DNAJC15: variants seen among roughly 807,000 people sequenced by gnomAD.
The protein encoded by DNAJC15 is dnaJ homolog subfamily C member 15.
A neutral mutation model predicts 22.4 loss-of-function variants in DNAJC15; 27 were observed. The observed-to-expected ratio is 1.20, with a 90% CI of 0.89 to 1.66. DNAJC15 has a LOEUF of 1.66. DNAJC15 is among the 40% of genes most tolerant of loss of function. DNAJC15 has a pLI of 0.00. For missense variants in DNAJC15, 208 were observed against 187.1 expected (o/e 1.11, Z -0.65); for synonymous variants, 79 against 63.2 (o/e 1.25, Z -1.19).
At chr13:43,078,395 A>G (rs1174860745) in intron 3 of DNAJC15, among the ~76,000 whole-genome samples, 1 of 152,170 alleles carries the variant, frequency 6.6e-6, no homozygotes, top group African/African-American at 2.4e-5. Context: ...AGAAAAATTA[A>G]TCTGTTTTAA....
chr13:43,094,789 C>G (rs1202513459), intron 5 of DNAJC15, among the ~76,000 whole-genome samples: 2 of 152,094 alleles, frequency 1.3e-5, no homozygotes, highest in African/African-American at 4.8e-5. Flanking sequence ...CTGCAAGAAG[C>G]CTTGCCTGCC....
At chr13:43,071,760 C>CG (rs529194406) in intron 3 of DNAJC15, among the ~76,000 whole-genome samples, 9 of 152,148 alleles carry the variant, frequency 5.9e-5, no homozygotes, top group East Asian at 1.9e-4. Flanking sequence ...CAAGTTTCAA[C>CG]GGGGGGTCTC....
At chr13:43,051,837 T>C (rs2040505867) in intron 1 of DNAJC15, among the ~76,000 whole-genome samples, 1 of 152,214 alleles carries the variant, frequency 6.6e-6, no homozygotes, top group African/African-American at 2.4e-5. Flanking sequence ...AAACAGCAGT[T>C]CTACTTTTAG....
At chr13:43,081,897 C>G (rs887788580) in intron 4 of DNAJC15, among the ~76,000 whole-genome samples, 1 of 151,996 alleles carries the variant, frequency 6.6e-6, no homozygotes, top group Non-Finnish European at 1.5e-5. Flanking sequence ...GGGGAGGCCT[C>G]AATAATGGCA....
At chr13:43,103,965 A>G (rs2040783398) in intron 5 of DNAJC15, among the ~76,000 whole-genome samples, 1 of 152,146 alleles carries the variant, frequency 6.6e-6, no homozygotes, top group East Asian at 1.9e-4. Context: ...GTTATTTTTG[A>G]TAGTGTATAT....
chr13:43,038,047 C>T (rs1293678609), intron 1 of DNAJC15, among the ~76,000 whole-genome samples: 2 of 152,136 alleles, frequency 1.3e-5, no homozygotes, highest in Non-Finnish European at 2.9e-5. Flanking sequence ...ATGATTCCCC[C>T]ATTGTTGGGT....
At chr13:43,024,337 G>GTTTTTTTTTTTTTTTTTTTT in intron 1 of DNAJC15, among the ~76,000 whole-genome samples, 1 of 93,400 alleles carries the variant, frequency 1.1e-5, no homozygotes, top group Non-Finnish European at 1.9e-5. Flanking sequence ...GTATTTTTAC[G>GTTTTTTTTTTTTTTTTTTTT]TTTTTTTTTT....
At position 43,109,872 on chromosome 13, in the gene DNAJC15, T is replaced by TA. The variant is rs2040816504; in HGVS notation, c.*2630dup. 2 of 152,098 alleles carry TA rather than the reference T, an allele frequency of 1.3e-5. No individual in the cohort carries two copies. Among genetic ancestry groups the TA allele is most frequent in the African/African-American group, 4.8e-5 (2 of 41,404 alleles). 9.4% of individuals were successfully genotyped at this position (152,098 alleles called of 1,614,324 possible). A position where few individuals can be genotyped will look rare whatever the true frequency, so the allele number is the denominator to read the frequency against. ...CTTAAAGTATAATAAAAAGAAATTT[T>TA]AAAAAATCCTGTCAAATAAGGTTAT... On this transcript the variant is annotated 3_prime_UTR_variant, in exon 6 of 6. Coordinates refer to ENST00000379221, the MANE Select transcript of DNAJC15 (RefSeq NM_013238.3).
chr13:43,070,806 G>A (rs764203685), intron 3 of DNAJC15, among the ~76,000 whole-genome samples: 6 of 152,148 alleles, frequency 3.9e-5, no homozygotes, highest in Non-Finnish European at 7.3e-5. Context: ...GTGAAAGAAA[G>A]CCCTTGGAAG....
chr13:43,057,806 G>A (rs2040539060), intron 1 of DNAJC15, among the ~76,000 whole-genome samples: 1 of 152,218 alleles, frequency 6.6e-6, no homozygotes. Context: ...TTGATGTGGT[G>A]CACTCCCCCT....
intron 1 of DNAJC15, among the ~76,000 whole-genome samples, chr13:43,040,382 C>G (rs2040447861): frequency 6.6e-6 from 1 of 152,100 alleles, no homozygotes; most frequent in African/African-American, 2.4e-5. Context: ...TTTTGACTTA[C>G]CTGTTTATCT....
chr13:43,091,185 A>G (rs1028004463), intron 5 of DNAJC15, among the ~76,000 whole-genome samples: 1 of 151,234 alleles, frequency 6.6e-6, no homozygotes, highest in African/African-American at 2.4e-5. Flanking sequence ...CCCGAGTTCA[A>G]GTGATTCTCC....
intron 5 of DNAJC15, among the ~76,000 whole-genome samples, chr13:43,092,490 A>G (rs1225343936): frequency 1.4e-5 from 2 of 142,178 alleles, no homozygotes; most frequent in East Asian, 1.9e-4. Context: ...ATATATACAT[A>G]TACACACACA....
intron 4 of DNAJC15, among the ~76,000 whole-genome samples, chr13:43,081,167 G>A (rs2040659808): frequency 6.6e-6 from 1 of 152,162 alleles, no homozygotes; most frequent in African/African-American, 2.4e-5. Flanking sequence ...TATGACTCAT[G>A]TCTGTAACAA....
intron 1 of DNAJC15, among the ~76,000 whole-genome samples, chr13:43,061,538 G>T (rs2040558994): frequency 6.6e-6 from 1 of 152,200 alleles, no homozygotes; most frequent in South Asian, 2.1e-4. Flanking sequence ...CATTGATGAT[G>T]GAGGACCCTT....
chr13:43,055,389 CT>C (rs1344681961), intron 1 of DNAJC15, among the ~76,000 whole-genome samples: 1 of 152,164 alleles, frequency 6.6e-6, no homozygotes, highest in Non-Finnish European at 1.5e-5. Context: ...TATAAAAACC[CT>C]GACATTTTTA....
At chr13:43,061,292 G>A (rs117726714) in intron 1 of DNAJC15, among the ~76,000 whole-genome samples, 1 of 152,250 alleles carries the variant, frequency 6.6e-6, no homozygotes, top group Non-Finnish European at 1.5e-5. Context: ...CAGATGAGAA[G>A]GAGAAAAGGG....
chr13:43,097,286 A>G lies in DNAJC15; in HGVS notation c.383-9892A>G, dbSNP rs1046908006. Among the ~76,000 whole-genome samples the G allele has an allele frequency of 1.2e-4, 19 of 152,350 alleles. No homozygotes were observed. The South Asian group carries it at 1.5e-3, about 12-fold the overall frequency. Reference sequence around the variant, plus strand: ...AGAAAGAATATTTCAGGCTGAAGAAACACCAAGTGCATAGGTCCTGAAACG... The same window carrying G: ...AGAAAGAATATTTCAGGCTGAAGAAGCACCAAGTGCATAGGTCCTGAAACG... On this transcript the variant is annotated intron_variant, in intron 5 of 5. Transcript: ENST00000379221.
rs1345094553 is a variant in DNAJC15, at chr13:43,110,738, A to G, written c.*3490A>G. 6.6e-6 allele frequency: 1 copy of G among 152,150 alleles called. No individual in the cohort carries two copies. Among genetic ancestry groups the G allele is most frequent in the Non-Finnish European group, 1.5e-5 (1 of 68,018 alleles). The allele number at this position is 152,150 out of a possible 1,614,324, so 9.4% of individuals were successfully genotyped here. On this transcript the variant is annotated 3_prime_UTR_variant, in exon 6 of 6. Coordinates refer to ENST00000379221, the MANE Select transcript of DNAJC15 (RefSeq NM_013238.3). ...TGAGCTCTCTGAGAGCAAGGATCATATCAGTCTTGTTTATTGTTGCAGTGA... is the reference window on the plus strand; with the variant it reads ...TGAGCTCTCTGAGAGCAAGGATCATGTCAGTCTTGTTTATTGTTGCAGTGA...
Sources: gnomAD v4.1 joint callset for allele counts (sites outside exome capture counted in the v4.1 genomes callset) on GRCh38, gnomAD v4.1.1 for gene constraint, MANE v1.5 for transcripts, NCBI Gene and HGNC (gene_info 2026-07-23, HGNC 2026-07-21) for gene names.